MECOM: variants seen among roughly 807,000 people sequenced by gnomAD.
MECOM encodes the protein histone-lysine N-methyltransferase MECOM.
Under a neutral mutation model 116.3 loss-of-function variants are expected in MECOM, and 13 were observed. That is an observed-to-expected ratio of 0.11 (90% CI 0.07 to 0.18). The LOEUF (loss-of-function observed/expected upper bound fraction) is 0.18, where lower values mean the gene tolerates loss of function less well. Ranked by LOEUF, MECOM falls within the 10% of genes least tolerant of loss-of-function variation. The probability of loss-of-function intolerance (pLI) is 1.00; values close to 1 mark genes in which losing one functional copy is unlikely to be tolerated. For missense variants in MECOM, 1,299 were observed against 1,509.0 expected (o/e 0.86, Z 2.31); for synonymous variants, 528 against 535.2 (o/e 0.99, Z 0.19).
At chr3:169,479,375 A>G (rs1246156316) in intron 1 of MECOM, among the ~76,000 whole-genome samples, 2 of 151,854 alleles carry the variant, frequency 1.3e-5, no homozygotes, top group Non-Finnish European at 2.9e-5. Flanking sequence ...CAAAGACCCT[A>G]AGAAAGGAGA....
intron 2 of MECOM, among the ~76,000 whole-genome samples, chr3:169,184,026 G>C (rs192539671): frequency 2.0e-5 from 3 of 151,358 alleles, no homozygotes; most frequent in African/African-American, 4.9e-5. Flanking sequence ...CACCACACCC[G>C]GCTAATTTTT....
At chr3:169,472,517 GGAAAGAAAAGAAAAGAA>G (rs1560317786) in intron 1 of MECOM, among the ~76,000 whole-genome samples, 5 of 90,818 alleles carry the variant, frequency 5.5e-5, no homozygotes, top group Admixed American at 1.2e-4. Context: ...GGAAAGGAAA[GGAAAGAAAAGAAAAGAA>G]AAGGAAAGGA....
rs115743391 is a variant in MECOM, at chr3:169,408,868, A to C, written c.38-27344T>G. Among the ~76,000 whole-genome samples the C allele has an allele frequency of 6.2e-3, 949 of 152,068 alleles. 15 individuals carry two copies. Among genetic ancestry groups the C allele is most frequent in the African/African-American group, 0.022 (894 of 41,378 alleles). ...GAGATTTGTGACAATTAAAAAAAAA[A>C]CAGAATAGGTAAAGTGTCTTATTCA... is the stretch of plus-strand genomic sequence containing the variant. On this transcript the variant is annotated intron_variant, in intron 1 of 16. Coordinates refer to ENST00000651503, the MANE Select transcript of MECOM (RefSeq NM_004991.4).
At chr3:169,375,761 C>T (rs941281951) in intron 2 of MECOM, among the ~76,000 whole-genome samples, 26 of 152,078 alleles carry the variant, frequency 1.7e-4, no homozygotes, top group Admixed American at 9.8e-4. Context: ...CAAAGAGGAG[C>T]TCGTACCATT....
chr3:169,302,331 T>C (rs114848391), intron 2 of MECOM, among the ~76,000 whole-genome samples: 444 of 152,334 alleles, frequency 2.9e-3, no homozygotes, highest in Middle Eastern at 6.8e-3. Flanking sequence ...GGACCAGGAA[T>C]GCCGTGGGGT....
intron 1 of MECOM, among the ~76,000 whole-genome samples, chr3:169,654,593 C>T (rs1331429484): frequency 6.6e-6 from 1 of 152,206 alleles, no homozygotes; most frequent in African/African-American, 2.4e-5. Context: ...ACTGCCCAAC[C>T]CCCAGCCCAC....
chr3:169,568,999 C>T (rs1468690918), intron 1 of MECOM, among the ~76,000 whole-genome samples: 4 of 152,050 alleles, frequency 2.6e-5, no homozygotes, highest in Non-Finnish European at 5.9e-5. Context: ...AAATATTAAC[C>T]TTAAATATAA....
intron 2 of MECOM, among the ~76,000 whole-genome samples, chr3:169,218,046 T>G (rs898231193): frequency 5.9e-5 from 9 of 151,862 alleles, no homozygotes; most frequent in Admixed American, 4.6e-4. Context: ...CAGTAATCAT[T>G]TGACTACTAT....
At chr3:169,519,593 G>C (rs73879082) in intron 1 of MECOM, among the ~76,000 whole-genome samples, 1 of 152,310 alleles carries the variant, frequency 6.6e-6, no homozygotes, top group African/African-American at 2.4e-5. Context: ...TCTTGGCAAA[G>C]ACTTTGCTTT....
intron 1 of MECOM, among the ~76,000 whole-genome samples, chr3:169,480,891 TG>T (rs1244972603): frequency 2.0e-5 from 3 of 151,240 alleles, no homozygotes; most frequent in Non-Finnish European, 1.5e-5. Flanking sequence ...TCTGAGTTCT[TG>T]GGGCGGGGGG....
At chr3:169,498,408 T>G (rs1359895904) in intron 1 of MECOM, among the ~76,000 whole-genome samples, 2 of 152,140 alleles carry the variant, frequency 1.3e-5, no homozygotes, top group Non-Finnish European at 2.9e-5. Flanking sequence ...CAAGAAAGTT[T>G]TCATGGACCA....
chr3:169,471,262 G>A (rs1749184031), intron 1 of MECOM, among the ~76,000 whole-genome samples: 1 of 151,934 alleles, frequency 6.6e-6, no homozygotes, highest in Non-Finnish European at 1.5e-5. Flanking sequence ...AAAGTGCTGG[G>A]GTTACAGGCA....
chr3:169,342,771 G>A (rs568324399), intron 2 of MECOM, among the ~76,000 whole-genome samples: 30 of 152,182 alleles, frequency 2.0e-4, no homozygotes, highest in African/African-American at 6.3e-4. Context: ...TAAAAGTCTC[G>A]AGTAAACGGA....
At chr3:169,123,070 G>A (rs1042620199) in intron 5 of MECOM, among the ~76,000 whole-genome samples, 16 of 151,842 alleles carry the variant, frequency 1.1e-4, no homozygotes, top group African/African-American at 3.4e-4. Context: ...AACACGTATT[G>A]CTAATACTCA....
rs981218518 is a variant in MECOM at position 169,137,416 on chromosome 3, T to C, written c.511-5885A>G. ...AGTATCTGCAGGAAGGATCCTATTATACATTCTGAGCCTAATTAATAAGAG... is the reference window on the plus strand; with the variant it reads ...AGTATCTGCAGGAAGGATCCTATTACACATTCTGAGCCTAATTAATAAGAG... On this transcript the variant is annotated intron_variant, in intron 3 of 16. Coordinates refer to ENST00000651503, the MANE Select transcript of MECOM (RefSeq NM_004991.4). 4.1e-4 allele frequency among the ~76,000 whole-genome samples: 62 copies of C among 152,102 alleles called. 1 individual carries two copies. Among genetic ancestry groups the C allele is most frequent in the Admixed American group, 4.1e-3 (62 of 15,250 alleles).
Position 169,270,408 on chromosome 3 carries a change from C to T in MECOM, c.375+110779G>A, listed in dbSNP as rs1186738803. On this transcript the variant is annotated intron_variant, in intron 2 of 16. Coordinates refer to ENST00000651503, the MANE Select transcript of MECOM (RefSeq NM_004991.4). ...GTATCTATCTATCTATCTATATATACTTATATGCAATTTATAATATTTATG... is the reference window on the plus strand; with the variant it reads ...GTATCTATCTATCTATCTATATATATTTATATGCAATTTATAATATTTATG... Among the ~76,000 whole-genome samples, 6 of 151,886 alleles carry T rather than the reference C, an allele frequency of 4.0e-5. No homozygotes were observed. The East Asian group carries it at 7.7e-4, about 19-fold the overall frequency.
intron 1 of MECOM, among the ~76,000 whole-genome samples, chr3:169,401,134 A>T (rs189396186): frequency 1.3e-5 from 2 of 152,258 alleles, no homozygotes; most frequent in African/African-American, 4.8e-5. Context: ...AAGTGCCGGG[A>T]TCTGGGCACC....
chr3:169,563,064 C>CAAAAAA (rs34061227), intron 1 of MECOM, among the ~76,000 whole-genome samples: 1 of 79,480 alleles, frequency 1.3e-5, no homozygotes. Flanking sequence ...AGCTCCATCT[C>CAAAAAA]AAAAAAAAAA....
chr3:169,179,108 T>C (rs1745603192), intron 2 of MECOM, among the ~76,000 whole-genome samples: 2 of 152,232 alleles, frequency 1.3e-5, no homozygotes, highest in African/African-American at 4.8e-5. Context: ...AATTATTTTT[T>C]AAGAAATATT....
Sources: allele counts gnomAD v4.1 joint callset (sites outside exome capture counted in the v4.1 genomes callset), GRCh38; gene constraint gnomAD v4.1.1; transcripts MANE v1.5; gene names NCBI Gene and HGNC (gene_info 2026-07-23, HGNC 2026-07-21).